Variants in GAB2 observed in about 807,000 individuals in gnomAD.
The protein encoded by GAB2 is GRB2 associated binding protein 2.
GAB2 carries 26 observed loss-of-function variants against 65.5 expected under a neutral mutation model. The observed-to-expected ratio is 0.40, with a 90% CI of 0.29 to 0.55. The LOEUF is 0.55. Ranked by LOEUF, GAB2 falls within the 20% of genes least tolerant of loss-of-function variation. The probability of loss-of-function intolerance (pLI) is 0.53; values close to 1 mark genes in which losing one functional copy is unlikely to be tolerated. For synonymous variants in GAB2, 321 were observed against 329.6 expected, an observed-to-expected ratio of 0.97 and a Z score of 0.28; for missense variants, 884 against 875.8, an observed-to-expected ratio of 1.01 and a Z score of -0.12.
chr11:78,274,746 G>A (rs1333305186), intron 2 of GAB2, among the ~76,000 whole-genome samples: 1 of 152,170 alleles, frequency 6.6e-6, no homozygotes, highest in East Asian at 1.9e-4. Context: ...GGGTTAGTAA[G>A]CAGAGAGAAC....
At chr11:78,342,770 T>G (rs1202399411) in intron 1 of GAB2, among the ~76,000 whole-genome samples, 5 of 152,124 alleles carry the variant, frequency 3.3e-5, no homozygotes, top group Non-Finnish European at 7.4e-5. Context: ...TGTAAATTGG[T>G]TTTGAGGCCC....
At chr11:78,328,869 T>C (rs1458515968) in intron 1 of GAB2, among the ~76,000 whole-genome samples, 1 of 152,176 alleles carries the variant, frequency 6.6e-6, no homozygotes, top group African/African-American at 2.4e-5. Flanking sequence ...TTTAGTTACA[T>C]TTTTGTCACA....
chr11:78,252,080 C>T (rs1162490506), intron 2 of GAB2, among the ~76,000 whole-genome samples: 1 of 152,196 alleles, frequency 6.6e-6, no homozygotes, highest in Non-Finnish European at 1.5e-5. Flanking sequence ...TTATTCAACT[C>T]ATGTCAAAGG....
In GAB2 at chr11:78,225,069, C is replaced by G. The variant is rs776602601; in HGVS notation, c.1302+39G>C. 19 of 1,332,648 alleles carry G rather than the reference C, an allele frequency of 1.4e-5. No homozygotes were observed. In the South Asian group the frequency reaches 1.7e-4, roughly 12 times the overall value. 82.6% of individuals were successfully genotyped at this position (1,332,648 alleles called of 1,614,324 possible). Reference sequence around the variant, plus strand: ...CATAAGGTGTGACCTTTTACCTAACCAGGCCGGCCTGAGGACCCTTGGGTT... The same window carrying G: ...CATAAGGTGTGACCTTTTACCTAACGAGGCCGGCCTGAGGACCCTTGGGTT... On this transcript the variant is annotated intron_variant, in intron 5 of 9. Coordinates refer to ENST00000361507, the MANE Select transcript of GAB2 (RefSeq NM_080491.3).
chr11:78,389,080 T>C (rs535088811), intron 1 of GAB2, among the ~76,000 whole-genome samples: 1 of 152,288 alleles, frequency 6.6e-6, no homozygotes, highest in South Asian at 2.1e-4. Flanking sequence ...CAAGACCTAG[T>C]CTTTGCTCCC....
rs577937450 is a variant in GAB2 at position 78,308,239 on chromosome 11, T to C, written c.76-27338A>G. Among the ~76,000 whole-genome samples, 281 of 151,890 alleles carry C rather than the reference T, an allele frequency of 1.9e-3. 3 individuals are homozygous for C. Among genetic ancestry groups the C allele is most frequent in the Middle Eastern group, 6.8e-3 (2 of 292 alleles). ...TCAAAAATACACTAGGTTGAAAGAG[T>C]AGAAAGACAGTCTAGATTTTAAGCA... is the stretch of plus-strand genomic sequence containing the variant. On this transcript the variant is annotated intron_variant, in intron 1 of 9. Transcript: ENST00000361507.
chr11:78,368,556 T>C (rs552494399), intron 1 of GAB2, among the ~76,000 whole-genome samples: 1 of 152,244 alleles, frequency 6.6e-6, no homozygotes, highest in Admixed American at 6.5e-5. Flanking sequence ...AATGTTTTAA[T>C]AAAAATAGAA....
At chr11:78,294,256 T>C (rs1040505557) in intron 1 of GAB2, among the ~76,000 whole-genome samples, 1 of 152,220 alleles carries the variant, frequency 6.6e-6, no homozygotes, top group African/African-American at 2.4e-5. Flanking sequence ...ACTCATTTTT[T>C]ATGGCTGCAT....
At chr11:78,222,938 T>C (rs1347156852) in intron 6 of GAB2, among the ~76,000 whole-genome samples, 2 of 152,194 alleles carry the variant, frequency 1.3e-5, no homozygotes, top group Non-Finnish European at 2.9e-5. Flanking sequence ...TACTCCCTGC[T>C]GCTCCTGGCC....
chr11:78,344,042 A>G (rs1308223080), intron 1 of GAB2, among the ~76,000 whole-genome samples: 1 of 152,204 alleles, frequency 6.6e-6, no homozygotes, highest in Admixed American at 6.5e-5. Context: ...TCTATAGAAC[A>G]GCTAGGCAAA....
intron 2 of GAB2, among the ~76,000 whole-genome samples, chr11:78,263,979 G>C (rs1427258239): frequency 6.6e-6 from 1 of 151,510 alleles, no homozygotes; most frequent in African/African-American, 2.4e-5. Context: ...TCTACTGTAA[G>C]GAAAATGAGA....
intron 1 of GAB2, among the ~76,000 whole-genome samples, chr11:78,403,197 C>G (rs542829454): frequency 6.6e-6 from 1 of 152,288 alleles, no homozygotes; most frequent in Non-Finnish European, 1.5e-5. Context: ...GACTAAGATA[C>G]TAATCAAGGA....
chr11:78,369,986 G>A (rs1186107781), intron 1 of GAB2, among the ~76,000 whole-genome samples: 3 of 151,980 alleles, frequency 2.0e-5, no homozygotes, highest in Non-Finnish European at 2.9e-5. Flanking sequence ...GGCCGGGCGC[G>A]GTGGCTCACG....
chr11:78,250,879 C>T (rs953188961), intron 2 of GAB2, among the ~76,000 whole-genome samples: 6 of 152,102 alleles, frequency 3.9e-5, no homozygotes, highest in Non-Finnish European at 8.8e-5. Context: ...AATGTTCTCA[C>T]TTATAAGTTG....
chr11:78,251,549 T>A (rs940002161), intron 2 of GAB2, among the ~76,000 whole-genome samples: 1 of 152,232 alleles, frequency 6.6e-6, no homozygotes, highest in African/African-American at 2.4e-5. Context: ...TACTTCCTGC[T>A]TTTCTCCACC....
At position 78,336,359 on chromosome 11, in the gene GAB2, A is replaced by C. The variant is rs200671027; in HGVS notation, c.76-55458T>G. Among the ~76,000 whole-genome samples, 337 of 143,230 alleles carry C rather than the reference A, an allele frequency of 2.4e-3. 6 individuals carry two copies. Among genetic ancestry groups the C allele is most frequent in the Middle Eastern group, 0.022 (6 of 276 alleles). The allele number at this position is 143,230 out of a possible 152,430, so 94.0% of individuals were successfully genotyped here. On this transcript the variant is annotated intron_variant, in intron 1 of 9. Coordinates refer to ENST00000361507, the MANE Select transcript of GAB2 (RefSeq NM_080491.3). ...AAAAAAAAAAAAAAAAAAAAAAAAA[A>C]AAACACAACAAGAATTATTTCCCAG... is the stretch of plus-strand genomic sequence containing the variant.
At chr11:78,256,500 G>A (rs1299868716) in intron 2 of GAB2, among the ~76,000 whole-genome samples, 1 of 152,322 alleles carries the variant, frequency 6.6e-6, no homozygotes, top group African/African-American at 2.4e-5. Context: ...ATGGGGGAGT[G>A]AGAATAGATC....
Position 78,224,822 on chromosome 11 carries a change from A to G in GAB2, c.1302+286T>C, listed in dbSNP as rs113764990. On this transcript the variant is annotated intron_variant, in intron 5 of 9. Coordinates refer to ENST00000361507, the MANE Select transcript of GAB2 (RefSeq NM_080491.3). ...AGGTTGCTGTCTTAGAGGTTCCCCC[A>G]CCGTGCAGCCTGGGTCTATTGCATT... is the stretch of plus-strand genomic sequence containing the variant. Among the ~76,000 whole-genome samples the G allele has an allele frequency of 4.0e-3, 606 of 152,150 alleles. 3 individuals carry two copies. Among genetic ancestry groups the G allele is most frequent in the African/African-American group, 0.014 (570 of 41,496 alleles).
At chr11:78,238,206 C>CAAAAAAAAAAAAAAAAAAAA (rs10541492) in intron 3 of GAB2, among the ~76,000 whole-genome samples, 1 of 104,806 alleles carries the variant, frequency 9.5e-6, no homozygotes, top group Non-Finnish European at 1.9e-5. Context: ...AGGGAAGAAA[C>CAAAAAAAAAAAAAAAAAAAA]AAAAAAAAAA....
Sources: allele counts gnomAD v4.1 joint callset (sites outside exome capture counted in the v4.1 genomes callset), GRCh38; gene constraint gnomAD v4.1.1; transcripts MANE v1.5; gene names NCBI Gene and HGNC (gene_info 2026-07-23, HGNC 2026-07-21).